The following CADPS variants were observed in gnomAD, a reference collection of about 807,000 sequenced individuals.
The protein encoded by CADPS is calcium-dependent secretion activator 1.
CADPS carries 57 observed loss-of-function variants against 167.3 expected under a neutral mutation model. The ratio of observed to expected loss-of-function variants is 0.34; its 90% CI spans 0.28 to 0.42. The LOEUF is 0.42. Ranked by LOEUF, CADPS falls within the 20% of genes least tolerant of loss-of-function variation. The probability of loss-of-function intolerance (pLI) is 1.00; values close to 1 mark genes in which losing one functional copy is unlikely to be tolerated. For missense variants in CADPS, 1,414 were observed against 1,738.1 expected (o/e 0.81, Z 3.32); for synonymous variants, 676 against 635.3 (o/e 1.06, Z -0.96).
intron 21 of CADPS, among the ~76,000 whole-genome samples, chr3:62,489,450 G>A (rs921412700): frequency 3.9e-5 from 6 of 152,312 alleles, no homozygotes; most frequent in Admixed American, 2.6e-4. Flanking sequence ...GTGAGCCGCC[G>A]CACCCGGCCG....
At chr3:62,766,570 T>C (rs1241252751) in intron 1 of CADPS, among the ~76,000 whole-genome samples, 1 of 152,210 alleles carries the variant, frequency 6.6e-6, no homozygotes, top group African/African-American at 2.4e-5. Flanking sequence ...TTTCAAACTT[T>C]ATTGTTGTTG....
chr3:62,661,731 C>T (rs527426837), intron 4 of CADPS, among the ~76,000 whole-genome samples: 200 of 152,110 alleles, frequency 1.3e-3, no homozygotes, highest in Middle Eastern at 6.8e-3. Flanking sequence ...CATTGGGAGG[C>T]TATTGTAACA....
intron 6 of CADPS, among the ~76,000 whole-genome samples, chr3:62,600,278 T>C (rs997001951): frequency 6.6e-6 from 1 of 151,784 alleles, no homozygotes; most frequent in Admixed American, 6.6e-5. Context: ...GGCTGAGGAA[T>C]GGCTCTCCAA....
intron 26 of CADPS, among the ~76,000 whole-genome samples, chr3:62,457,442 G>C (rs1447870339): frequency 6.6e-6 from 1 of 152,082 alleles, no homozygotes; most frequent in Non-Finnish European, 1.5e-5. Flanking sequence ...TTAATAAAGA[G>C]GTGTTTTAGA....
At position 62,536,588 on chromosome 3, in the gene CADPS, A is replaced by T; in HGVS notation, c.1967-7T>A. 1 of 1,612,362 alleles carries T rather than the reference A, an allele frequency of 6.2e-7. No individual in the cohort carries two copies. Among genetic ancestry groups the T allele is most frequent in the Non-Finnish European group, 8.5e-7 (1 of 1,178,882 alleles). Reference sequence around the variant, plus strand: ...TTTTGAGCTCTATCTGCGTCTGTTCATTTATACATGTAGAGAGAGACACAA... The same window carrying T: ...TTTTGAGCTCTATCTGCGTCTGTTCTTTTATACATGTAGAGAGAGACACAA... On this transcript the variant is annotated splice_polypyrimidine_tract_variant and splice_region_variant and intron_variant, in intron 11 of 29. Coordinates refer to ENST00000383710, the MANE Select transcript of CADPS (RefSeq NM_003716.4).
intron 8 of CADPS, 93 bp downstream of exon 8, chr3:62,585,092 A>C (rs2084304200): frequency 8.5e-7 from 1 of 1,173,820 alleles, no homozygotes; most frequent in East Asian, 2.4e-5. Flanking sequence ...CCTTCTACAT[A>C]GTTCTCTGAA....
intron 1 of CADPS, among the ~76,000 whole-genome samples, chr3:62,820,054 C>A (rs190807784): frequency 1.4e-4 from 21 of 151,716 alleles, no homozygotes; most frequent in African/African-American, 4.6e-4. Flanking sequence ...CATGCACACA[C>A]GATACAAATA....
chr3:62,502,969 G>T (rs1441190660), intron 17 of CADPS, among the ~76,000 whole-genome samples: 3 of 151,340 alleles, frequency 2.0e-5, no homozygotes, highest in Non-Finnish European at 2.9e-5. Context: ...CACAAATGGA[G>T]AGCTGCTGCT....
intron 1 of CADPS, among the ~76,000 whole-genome samples, chr3:62,833,205 A>G (rs993744037): frequency 3.3e-5 from 5 of 152,038 alleles, no homozygotes; most frequent in East Asian, 2.0e-4. Flanking sequence ...CCCGGGCTGG[A>G]TTACAGTGGC....
At chr3:62,583,491 C>T (rs1191934345) in intron 8 of CADPS, among the ~76,000 whole-genome samples, 1 of 152,206 alleles carries the variant, frequency 6.6e-6, no homozygotes, top group East Asian at 1.9e-4. Flanking sequence ...GGTTGTACTT[C>T]ATCCTGGACA....
intron 3 of CADPS, among the ~76,000 whole-genome samples, chr3:62,715,119 G>A (rs567587527): frequency 1.3e-5 from 2 of 152,270 alleles, no homozygotes; most frequent in South Asian, 4.1e-4. Flanking sequence ...CATGATGTTT[G>A]AAATCTGCTT....
intron 9 of CADPS, among the ~76,000 whole-genome samples, chr3:62,562,136 G>T (rs962954794): frequency 5.9e-5 from 9 of 152,188 alleles, no homozygotes; most frequent in African/African-American, 2.2e-4. Flanking sequence ...TAGATGGGTG[G>T]TTGGGCAAGG....
chr3:62,833,806 C>G (rs2075493038), intron 1 of CADPS, among the ~76,000 whole-genome samples: 2 of 152,076 alleles, frequency 1.3e-5, no homozygotes, highest in East Asian at 3.9e-4. Flanking sequence ...ATCTGTTTAT[C>G]TGCTGGGGTT....
chr3:62,499,937 T>G (rs905799524), intron 17 of CADPS: 5 of 152,196 alleles, frequency 3.3e-5, no homozygotes, highest in Non-Finnish European at 4.4e-5. Flanking sequence ...AACAATGTAC[T>G]TAATTGTTTT....
At chr3:62,730,553 A>C (rs2077571012) in intron 3 of CADPS, among the ~76,000 whole-genome samples, 3 of 152,096 alleles carry the variant, frequency 2.0e-5, no homozygotes, top group Admixed American at 6.5e-5. Flanking sequence ...CTAAGCTTCT[A>C]AGCTTGGTGA....
intron 6 of CADPS, among the ~76,000 whole-genome samples, chr3:62,603,684 C>G (rs1465053693): frequency 6.6e-6 from 1 of 152,200 alleles, no homozygotes; most frequent in Non-Finnish European, 1.5e-5. Flanking sequence ...GAGCTTCCAT[C>G]TCTTTGCTTA....
chr3:62,454,924 C>CT (rs2058506603), intron 26 of CADPS, among the ~76,000 whole-genome samples: 1 of 152,126 alleles, frequency 6.6e-6, no homozygotes, highest in Non-Finnish European at 1.5e-5. Flanking sequence ...AAGTCCCTAC[C>CT]TTTTATTAAA....
At chr3:62,498,893 T>C (rs999177017) in intron 18 of CADPS, among the ~76,000 whole-genome samples, 1 of 152,202 alleles carries the variant, frequency 6.6e-6, no homozygotes, top group Non-Finnish European at 1.5e-5. Context: ...GCTGCTTGAA[T>C]GATTAACTTT....
chr3:62,672,017 T>C (rs1223733017), intron 3 of CADPS, among the ~76,000 whole-genome samples: 2 of 152,134 alleles, frequency 1.3e-5, no homozygotes, highest in Non-Finnish European at 2.9e-5. Context: ...CTTGACCTCG[T>C]GATCCACCCA....
Sources: allele counts gnomAD v4.1 joint callset (sites outside exome capture counted in the v4.1 genomes callset), GRCh38; gene constraint gnomAD v4.1.1; transcripts MANE v1.5; gene names NCBI Gene and HGNC (gene_info 2026-07-23, HGNC 2026-07-21).